The following GALNT13 variants were observed in gnomAD, a reference collection of about 807,000 sequenced individuals.
GALNT13 encodes the protein polypeptide N-acetylgalactosaminyltransferase 13.
Under a neutral mutation model 64.2 loss-of-function variants are expected in GALNT13, and 28 were observed. The observed-to-expected ratio is 0.44, with a 90% CI of 0.32 to 0.60. The LOEUF (loss-of-function observed/expected upper bound fraction) is 0.60, where lower values mean the gene tolerates loss of function less well. Ranked by LOEUF, GALNT13 falls within the 20% of genes least tolerant of loss-of-function variation. The pLI is 0.05. For missense variants in GALNT13, 577 were observed against 669.8 expected (o/e 0.86, Z 1.53); for synonymous variants, 214 against 224.6 (o/e 0.95, Z 0.42).
chr2:154,073,495 AT>A (rs1176449963), intron 3 of GALNT13, among the ~76,000 whole-genome samples: 1 of 151,956 alleles, frequency 6.6e-6, no homozygotes, highest in Non-Finnish European at 1.5e-5. Flanking sequence ...TAGTTTTCCA[AT>A]AAAGATTATT....
intron 12 of GALNT13, among the ~76,000 whole-genome samples, chr2:154,442,443 C>A (rs1456266138): frequency 6.6e-6 from 1 of 152,000 alleles, no homozygotes; most frequent in Non-Finnish European, 1.5e-5. Flanking sequence ...TTATATGTGG[C>A]CTAACCTGTT....
At chr2:153,659,941 T>C in the GALNT13 span, among the ~76,000 whole-genome samples, 1 of 152,148 alleles carries the variant, frequency 6.6e-6, no homozygotes, top group Non-Finnish European at 1.5e-5. Context: ...AGATGAAATA[T>C]ATTGTTATTC....
At chr2:153,999,263 G>A (rs1695733588) in intron 3 of GALNT13, among the ~76,000 whole-genome samples, 1 of 140,032 alleles carries the variant, frequency 7.1e-6, no homozygotes, top group Admixed American at 7.2e-5. Context: ...ACAACCATAT[G>A]AACTTCCTTT....
the GALNT13 span, among the ~76,000 whole-genome samples, chr2:153,228,869 C>CAAAAAAAAAAAAAAAAAAAAAAAA: frequency 1.5e-5 from 1 of 68,630 alleles, no homozygotes; most frequent in Non-Finnish European, 2.7e-5. Context: ...GAGACTGTCT[C>CAAAAAAAAAAAAAAAAAAAAAAAA]AAAAAAAAAA....
the GALNT13 span, among the ~76,000 whole-genome samples, chr2:153,798,112 A>G: frequency 9.9e-5 from 15 of 152,248 alleles, no homozygotes; most frequent in Non-Finnish European, 1.6e-4. Context: ...CCTGCTCTAC[A>G]TTGTCCCTAT....
chr2:153,142,761 C>T, the GALNT13 span, among the ~76,000 whole-genome samples: 1 of 151,838 alleles, frequency 6.6e-6, no homozygotes, highest in Non-Finnish European at 1.5e-5. Flanking sequence ...TGAAGTTAGC[C>T]TGACAAGGGC....
intron 3 of GALNT13, among the ~76,000 whole-genome samples, chr2:154,023,686 C>T (rs1389252781): frequency 2.0e-5 from 3 of 152,034 alleles, no homozygotes; most frequent in African/African-American, 7.2e-5. Context: ...AGCATTTAGC[C>T]CATTTAGATT....
intron 1 of GALNT13, among the ~76,000 whole-genome samples, chr2:153,883,273 G>A (rs532340616): frequency 5.9e-5 from 9 of 151,782 alleles, no homozygotes; most frequent in African/African-American, 2.2e-4. Flanking sequence ...AATGAAACAA[G>A]ATGGAAAATA....
the GALNT13 span, among the ~76,000 whole-genome samples, chr2:153,130,655 T>C: frequency 1.3e-5 from 2 of 152,146 alleles, no homozygotes; most frequent in African/African-American, 4.8e-5. Context: ...TGATGCTCTC[T>C]CTAGTATTCA....
chr2:154,097,439 A>G (rs1253869591), intron 3 of GALNT13, among the ~76,000 whole-genome samples: 1 of 152,106 alleles, frequency 6.6e-6, no homozygotes, highest in Admixed American at 6.6e-5. Context: ...TGTTAAAATA[A>G]ATTATAATTA....
At chr2:153,201,973 C>CTT in the GALNT13 span, among the ~76,000 whole-genome samples, 473 of 108,818 alleles carry the variant, frequency 4.3e-3, 5 homozygotes, top group Middle Eastern at 0.013. Context: ...CCACCCATTT[C>CTT]TTTTTTTTTT....
At chr2:154,415,005 A>G (rs1177867473) in intron 11 of GALNT13, among the ~76,000 whole-genome samples, 1 of 151,932 alleles carries the variant, frequency 6.6e-6, no homozygotes, top group Non-Finnish European at 1.5e-5. Context: ...TTTATTTAAA[A>G]TTTACATAAA....
chr2:153,777,168 A>G, the GALNT13 span, among the ~76,000 whole-genome samples: 1 of 150,328 alleles, frequency 6.7e-6, no homozygotes, highest in Non-Finnish European at 1.5e-5. Context: ...TGATTTGTGG[A>G]TAGTCAGGAT....
chr2:153,575,667 G>A, the GALNT13 span, among the ~76,000 whole-genome samples: 3 of 152,264 alleles, frequency 2.0e-5, no homozygotes, highest in East Asian at 5.8e-4. Flanking sequence ...CAGGCCACAG[G>A]GAGTACTGCC....
At chr2:153,621,587 A>C in the GALNT13 span, among the ~76,000 whole-genome samples, 1 of 152,170 alleles carries the variant, frequency 6.6e-6, no homozygotes, top group Non-Finnish European at 1.5e-5. Context: ...TCTGGGAGTC[A>C]GAGACAACAG....
the GALNT13 span, among the ~76,000 whole-genome samples, chr2:153,241,228 G>A: frequency 2.0e-5 from 3 of 152,074 alleles, no homozygotes; most frequent in Non-Finnish European, 2.9e-5. Flanking sequence ...GCCTGACGAG[G>A]GGAGACTATC....
At chr2:153,320,071 T>A in the GALNT13 span, among the ~76,000 whole-genome samples, 28 of 152,328 alleles carry the variant, frequency 1.8e-4, no homozygotes, top group South Asian at 6.2e-4. Flanking sequence ...GGTTGCACTC[T>A]TCATCAATGA....
chr2:153,780,299 T>G, the GALNT13 span, among the ~76,000 whole-genome samples: 2,990 of 146,218 alleles, frequency 0.02, 42 homozygotes, highest in Non-Finnish European at 0.029. Context: ...ACATTTGACC[T>G]TAATATAATT....
the GALNT13 span, among the ~76,000 whole-genome samples, chr2:153,818,105 G>T: frequency 2.8e-3 from 343 of 120,682 alleles, 2 homozygotes; most frequent in Admixed American, 0.025. Flanking sequence ...TGGAACCAGG[G>T]GAAGCTCCCT....
Sources: gnomAD v4.1 joint callset for allele counts (sites outside exome capture counted in the v4.1 genomes callset) on GRCh38, gnomAD v4.1.1 for gene constraint, MANE v1.5 for transcripts, NCBI Gene and HGNC (gene_info 2026-07-23, HGNC 2026-07-21) for gene names.